The following BBX variants were observed in gnomAD, a reference collection of about 807,000 sequenced individuals.
The protein encoded by BBX is BBX high mobility group box domain containing, also known as HMG box transcription factor BBX.
BBX carries 30 observed loss-of-function variants against 100.2 expected under a neutral mutation model. The ratio of observed to expected loss-of-function variants is 0.30; its 90% CI spans 0.22 to 0.41. The LOEUF (loss-of-function observed/expected upper bound fraction) is 0.41, where lower values mean the gene tolerates loss of function less well. Among genes scored for constraint, BBX ranks in the 10% least tolerant of loss-of-function variants. BBX has a pLI of 1.00. For synonymous variants in BBX, 376 were observed against 388.1 expected, an observed-to-expected ratio of 0.97 and a Z score of 0.37; for missense variants, 1,023 against 1,129.8, an observed-to-expected ratio of 0.91 and a Z score of 1.35.
At chr3:107,590,690 T>C (rs2053242699) in intron 2 of BBX, among the ~76,000 whole-genome samples, 1 of 152,240 alleles carries the variant, frequency 6.6e-6, no homozygotes, top group South Asian at 2.1e-4. Context: ...TACTTTAAAG[T>C]TTGAGTACCA....
At chr3:107,789,904 G>T (rs911005927) in intron 14 of BBX, 28 bp downstream of exon 14, 2 of 1,495,344 alleles carry the variant, frequency 1.3e-6, no homozygotes, top group African/African-American at 1.4e-5. Context: ...CCTCCATGAA[G>T]GGTTCTTGGT....
chr3:107,784,540 C>T (rs868035932), intron 13 of BBX, among the ~76,000 whole-genome samples: 3 of 151,850 alleles, frequency 2.0e-5, no homozygotes, highest in Non-Finnish European at 4.4e-5. Context: ...AAATTAAATA[C>T]ACTTCTACAT....
At chr3:107,635,293 A>G (rs2056783331) in intron 2 of BBX, among the ~76,000 whole-genome samples, 1 of 152,202 alleles carries the variant, frequency 6.6e-6, no homozygotes, top group African/African-American at 2.4e-5. Flanking sequence ...TGTATTCCAA[A>G]TGAGTCCATG....
intron 2 of BBX, among the ~76,000 whole-genome samples, chr3:107,533,343 A>T (rs62263345): frequency 1.3e-5 from 2 of 152,130 alleles, no homozygotes; most frequent in Non-Finnish European, 2.9e-5. Context: ...TTATTTTGCT[A>T]ACTTTGATCA....
intron 2 of BBX, among the ~76,000 whole-genome samples, chr3:107,576,418 G>A (rs2051778145): frequency 6.6e-6 from 1 of 152,122 alleles, no homozygotes; most frequent in African/African-American, 2.4e-5. Flanking sequence ...TTTAGCTGGA[G>A]AAGATGTTGT....
intron 7 of BBX, among the ~76,000 whole-genome samples, chr3:107,740,720 C>CT (rs1204269813): frequency 1.3e-5 from 2 of 152,106 alleles, no homozygotes; most frequent in African/African-American, 4.8e-5. Context: ...TTCCCACCTC[C>CT]TGTTACCGTA....
At chr3:107,776,686 T>C (rs966136923) in intron 12 of BBX, among the ~76,000 whole-genome samples, 2 of 152,212 alleles carry the variant, frequency 1.3e-5, no homozygotes, top group Non-Finnish European at 2.9e-5. Context: ...GATCTAATTT[T>C]ATAGACTTCT....
At chr3:107,752,647 T>G (rs967933296) in intron 9 of BBX, among the ~76,000 whole-genome samples, 4 of 152,200 alleles carry the variant, frequency 2.6e-5, no homozygotes, top group Non-Finnish European at 5.9e-5. Flanking sequence ...CTGTACCTCA[T>G]GTACTGTTGC....
rs530421475 is a variant in BBX at position 107,722,302 on chromosome 3, T to C, written c.405+5453T>C. Among the ~76,000 whole-genome samples the C allele has an allele frequency of 2.6e-5, 4 of 152,112 alleles. No homozygotes were observed. In the South Asian group the frequency reaches 8.3e-4, roughly 32 times the overall value. On this transcript the variant is annotated intron_variant, in intron 5 of 17. Coordinates refer to ENST00000325805, the MANE Select transcript of BBX (RefSeq NM_001142568.3). ...TCTCAAAACTCATTTTGGTATTTGG[T>C]TTCAGATGTTAATTTTTAGATTGAC...
At chr3:107,803,275 G>C (rs2070718987) in intron 17 of BBX, among the ~76,000 whole-genome samples, 1 of 152,088 alleles carries the variant, frequency 6.6e-6, no homozygotes, top group Admixed American at 6.5e-5. Flanking sequence ...CCTAATAAAT[G>C]GTTAGTGTTC....
intron 10 of BBX, among the ~76,000 whole-genome samples, chr3:107,763,354 T>C (rs1367739238): frequency 1.3e-5 from 2 of 152,098 alleles, no homozygotes; most frequent in African/African-American, 4.8e-5. Context: ...CCTCCCTTAC[T>C]TTTTATCTAG....
chr3:107,625,898 C>G (rs1261823789), intron 2 of BBX, among the ~76,000 whole-genome samples: 1 of 151,968 alleles, frequency 6.6e-6, no homozygotes, highest in African/African-American at 2.4e-5. Flanking sequence ...TTTAAATTGA[C>G]AAATAATAAT....
chr3:107,659,660 G>A, intron 3 of BBX: 4 of 1,117,242 alleles, frequency 3.6e-6, no homozygotes, highest in Non-Finnish European at 3.5e-6. Context: ...CAGGCTGTCT[G>A]GCTGCAGGGT....
intron 4 of BBX, among the ~76,000 whole-genome samples, chr3:107,713,253 T>C (rs1405738568): frequency 6.6e-6 from 1 of 152,244 alleles, no homozygotes; most frequent in Admixed American, 6.5e-5. Context: ...TACTGCTGCC[T>C]AGATTTCAGC....
intron 10 of BBX, among the ~76,000 whole-genome samples, chr3:107,762,986 T>C (rs1159128754): frequency 9.9e-5 from 15 of 152,226 alleles, no homozygotes. Context: ...TATACAGTTA[T>C]TTCAAATAGT....
At chr3:107,805,277 C>A in intron 17 of BBX, 93 bp from the exon 18 acceptor site, 1 of 1,347,586 alleles carries the variant, frequency 7.4e-7, no homozygotes. Flanking sequence ...AACTGTTAAA[C>A]AAGATATTGG....
chr3:107,539,864 A>T (rs956312124), intron 2 of BBX, among the ~76,000 whole-genome samples: 1 of 152,204 alleles, frequency 6.6e-6, no homozygotes, highest in African/African-American at 2.4e-5. Flanking sequence ...AGTGTCACAC[A>T]AAGTTTAGGT....
chr3:107,710,186 G>T (rs2061629842), intron 3 of BBX, among the ~76,000 whole-genome samples: 1 of 152,202 alleles, frequency 6.6e-6, no homozygotes, highest in Non-Finnish European at 1.5e-5. Context: ...CTATGGAGAG[G>T]AGGGAAGTAG....
At chr3:107,659,864 C>A in intron 3 of BBX, 2 of 705,392 alleles carry the variant, frequency 2.8e-6, no homozygotes, top group South Asian at 1.8e-5. Context: ...AGGTTTATGG[C>A]AGGATAAATT....
Sources: gnomAD v4.1 joint callset for allele counts (sites outside exome capture counted in the v4.1 genomes callset) on GRCh38, gnomAD v4.1.1 for gene constraint, MANE v1.5 for transcripts, NCBI Gene and HGNC (gene_info 2026-07-23, HGNC 2026-07-21) for gene names.